COL23A1: variants seen among roughly 807,000 people sequenced by gnomAD.
COL23A1 encodes the protein collagen alpha-1(XXIII) chain.
In COL23A1, 97 loss-of-function variants were observed where a neutral mutation model predicts 99.3. That is an observed-to-expected ratio of 0.98 (90% CI 0.83 to 1.16). The LOEUF (loss-of-function observed/expected upper bound fraction) is 1.16. COL23A1 is among the 50% of genes most tolerant of loss of function. COL23A1 has a pLI of 0.00. For missense variants in COL23A1, 762 were observed against 757.4 expected (o/e 1.01, Z -0.07); for synonymous variants, 320 against 308.2 (o/e 1.04, Z -0.40).
chr5:178,278,965 C>T (rs748821208), intron 5 of COL23A1, among the ~76,000 whole-genome samples: 23 of 152,202 alleles, frequency 1.5e-4, no homozygotes, highest in Admixed American at 1.4e-3. Flanking sequence ...GCCCTTCCCT[C>T]CCTATCTAGA....
At chr5:178,539,740 A>G (rs984238610) in intron 2 of COL23A1, among the ~76,000 whole-genome samples, 3 of 152,076 alleles carry the variant, frequency 2.0e-5, no homozygotes, top group Non-Finnish European at 4.4e-5. Flanking sequence ...ATTTTTTTCC[A>G]GAGAATAGAA....
At chr5:178,251,831 G>A (rs995469699) in intron 17 of COL23A1, among the ~76,000 whole-genome samples, 1 of 151,452 alleles carries the variant, frequency 6.6e-6, no homozygotes, top group South Asian at 2.1e-4. Flanking sequence ...CCAATGTTTA[G>A]CTTCCACTTT....
At chr5:178,537,056 C>A (rs917896981) in intron 2 of COL23A1, among the ~76,000 whole-genome samples, 2 of 152,256 alleles carry the variant, frequency 1.3e-5, no homozygotes, top group Non-Finnish European at 2.9e-5. Context: ...ACACATACGG[C>A]ACTGGCCTGG....
chr5:178,267,389 T>C, intron 7 of COL23A1, 56 bp from the exon 8 acceptor site: 1 of 1,582,418 alleles, frequency 6.3e-7, no homozygotes, highest in Non-Finnish European at 8.6e-7. Context: ...TTCTTCACAT[T>C]TCCCGTCGGG....
At chr5:178,450,740 C>A (rs1368774047) in intron 2 of COL23A1, among the ~76,000 whole-genome samples, 1 of 152,176 alleles carries the variant, frequency 6.6e-6, no homozygotes, top group East Asian at 1.9e-4. Flanking sequence ...ACTAGGTGCT[C>A]TCTCCATGTA....
intron 2 of COL23A1, among the ~76,000 whole-genome samples, chr5:178,370,238 C>A (rs909260347): frequency 1.1e-4 from 17 of 152,196 alleles, no homozygotes; most frequent in Non-Finnish European, 1.2e-4. Flanking sequence ...AGGCCGCTGG[C>A]CTGCAGGTCC....
intron 2 of COL23A1, among the ~76,000 whole-genome samples, chr5:178,504,034 T>C (rs1758726799): frequency 6.6e-6 from 1 of 150,384 alleles, no homozygotes; most frequent in Non-Finnish European, 1.5e-5. Flanking sequence ...CTGCAAAAGA[T>C]AAAAAAGAGT....
At chr5:178,531,648 A>G (rs988924106) in intron 2 of COL23A1, among the ~76,000 whole-genome samples, 9 of 152,212 alleles carry the variant, frequency 5.9e-5, no homozygotes, top group Non-Finnish European at 8.8e-5. Context: ...GATGGCTTTC[A>G]GACTGCACTG....
At chr5:178,474,814 G>A (rs1488190938) in intron 2 of COL23A1, among the ~76,000 whole-genome samples, 12 of 152,322 alleles carry the variant, frequency 7.9e-5, no homozygotes, top group African/African-American at 1.4e-4. Flanking sequence ...AACAGGAGGC[G>A]GGGAGCGGAT....
chr5:178,482,932 C>T (rs1040544216), intron 2 of COL23A1, among the ~76,000 whole-genome samples: 2 of 151,766 alleles, frequency 1.3e-5, no homozygotes, highest in African/African-American at 4.8e-5. Context: ...AAGACTTAGG[C>T]TTAGTGGTGC....
intron 2 of COL23A1, among the ~76,000 whole-genome samples, chr5:178,535,317 C>T (rs942773964): frequency 9.2e-5 from 14 of 152,342 alleles, no homozygotes; most frequent in Admixed American, 2.0e-4. Flanking sequence ...AAGGCCCTGA[C>T]GCTCTCAGAG....
At chr5:178,381,101 C>T (rs917092278) in intron 2 of COL23A1, among the ~76,000 whole-genome samples, 21 of 152,242 alleles carry the variant, frequency 1.4e-4, no homozygotes, top group Non-Finnish European at 1.5e-5. Flanking sequence ...GGCATGGCCA[C>T]AGTCACTGAA....
rs920589018 is a variant in COL23A1 at position 178,290,815 on chromosome 5, G to C, written c.407-446C>G. 5.9e-5 allele frequency among the ~76,000 whole-genome samples: 9 copies of C among 152,128 alleles called. No individual in the cohort carries two copies. The South Asian group carries it at 6.2e-4, about 11-fold the overall frequency. The stretch of plus-strand genomic sequence containing the variant: ...TGGGTGTGGCTGAACAGGCTTTTTG[G>C]GGGAGGGGGCTCCTGCTGCCCAGCT... On this transcript the variant is annotated intron_variant, in intron 3 of 28. Coordinates refer to ENST00000390654, the MANE Select transcript of COL23A1 (RefSeq NM_173465.4).
chr5:178,274,972 G>A (rs567685868), intron 5 of COL23A1, among the ~76,000 whole-genome samples: 5 of 152,302 alleles, frequency 3.3e-5, no homozygotes, highest in South Asian at 4.1e-4. Flanking sequence ...GAGATCAGCC[G>A]GGCTCCGGGA....
chr5:178,363,392 T>C (rs1762279956), intron 2 of COL23A1, among the ~76,000 whole-genome samples: 1 of 152,196 alleles, frequency 6.6e-6, no homozygotes, highest in South Asian at 2.1e-4. Flanking sequence ...AAATACCTCC[T>C]GGCTGACACA....
At chr5:178,460,260 C>T (rs1215316033) in intron 2 of COL23A1, among the ~76,000 whole-genome samples, 1 of 152,074 alleles carries the variant, frequency 6.6e-6, no homozygotes, top group Non-Finnish European at 1.5e-5. Flanking sequence ...GAAGCACCTT[C>T]CCCAGGCACA....
chr5:178,549,919 G>A (rs868840778), intron 2 of COL23A1, among the ~76,000 whole-genome samples: 1 of 152,146 alleles, frequency 6.6e-6, no homozygotes, highest in Non-Finnish European at 1.5e-5. Context: ...ACGGACATCA[G>A]TATTATATTC....
intron 2 of COL23A1, among the ~76,000 whole-genome samples, chr5:178,542,642 G>A (rs1255365155): frequency 6.6e-6 from 1 of 152,084 alleles, no homozygotes; most frequent in African/African-American, 2.4e-5. Context: ...GGTCCAGGAA[G>A]GCAGGGAAGA....
At chr5:178,465,181 A>G (rs1756345827) in intron 2 of COL23A1, among the ~76,000 whole-genome samples, 1 of 152,182 alleles carries the variant, frequency 6.6e-6, no homozygotes, top group Non-Finnish European at 1.5e-5. Flanking sequence ...CAGCGTGTAC[A>G]CGGAACCCAT....
Sources: gnomAD v4.1 joint callset for allele counts (sites outside exome capture counted in the v4.1 genomes callset) on GRCh38, gnomAD v4.1.1 for gene constraint, MANE v1.5 for transcripts, NCBI Gene and HGNC (gene_info 2026-07-23, HGNC 2026-07-21) for gene names.